The following FBLN7 variants were observed in gnomAD, a reference collection of about 807,000 sequenced individuals.
The protein encoded by FBLN7 is fibulin-7.
A neutral mutation model predicts 44.0 loss-of-function variants in FBLN7; 31 were observed. The ratio of observed to expected loss-of-function variants is 0.70; its 90% confidence interval spans 0.53 to 0.95. FBLN7 has a LOEUF of 0.95. FBLN7 is among the 40% of genes least tolerant of loss of function. The pLI, the probability that FBLN7 is intolerant of heterozygous loss-of-function variation, is 0.00. For synonymous variants in FBLN7, 262 were observed against 253.4 expected (o/e 1.03, Z -0.32); for missense variants, 573 against 618.5 (o/e 0.93, Z 0.78).
the FBLN7 span, among the ~76,000 whole-genome samples, chr2:112,229,314 C>A: frequency 1.2e-3 from 188 of 152,234 alleles, no homozygotes; most frequent in Admixed American, 1.8e-3. Flanking sequence ...TTAAAAAAGT[C>A]TATTAGTATT....
At chr2:112,206,871 C>T in the FBLN7 span, among the ~76,000 whole-genome samples, 31 of 151,582 alleles carry the variant, frequency 2.0e-4, no homozygotes, top group African/African-American at 7.0e-4. Context: ...TAGCTGGAAC[C>T]ACAGGTGCAC....
At chr2:112,201,183 A>G in the FBLN7 span, among the ~76,000 whole-genome samples, 1 of 152,242 alleles carries the variant, frequency 6.6e-6, no homozygotes, top group African/African-American at 2.4e-5. Context: ...CCTCTGAGGC[A>G]GGAGGCAGGG....
intron 1 of FBLN7, among the ~76,000 whole-genome samples, chr2:112,153,839 T>C (rs1681285384): frequency 6.6e-6 from 1 of 152,184 alleles, no homozygotes; most frequent in Non-Finnish European, 1.5e-5. Flanking sequence ...GAGTAAACAC[T>C]GTGCGAGAAG....
the FBLN7 span, among the ~76,000 whole-genome samples, chr2:112,201,706 G>C: frequency 6.6e-6 from 1 of 152,300 alleles, no homozygotes; most frequent in Admixed American, 6.5e-5. Context: ...AGCTACACAA[G>C]GACAGGCATT....
chr2:112,159,877 C>A, intron 2 of FBLN7, 42 bp downstream of exon 2: 1 of 1,456,874 alleles, frequency 6.9e-7, no homozygotes, highest in Non-Finnish European at 9.1e-7. Context: ...CAGCGCAGCA[C>A]TCGAGCACTC....
chr2:112,223,870 G>A, the FBLN7 span, among the ~76,000 whole-genome samples: 22 of 152,296 alleles, frequency 1.4e-4, no homozygotes, highest in Middle Eastern at 3.4e-3. Flanking sequence ...GGCCAGGCAC[G>A]GCAGCTCACA....
rs75864194 is a variant in FBLN7, at chr2:112,183,082, G to A, written c.808+154G>A. Among the ~76,000 whole-genome samples the A allele has an allele frequency of 3.5e-3, 531 of 152,342 alleles. 1 individual carries two copies. Among genetic ancestry groups the A allele is most frequent in the Middle Eastern group, 6.8e-3 (2 of 294 alleles). On this transcript the variant is annotated intron_variant, in intron 6 of 7. Transcript: ENST00000331203. ...CCACCAACCAAAGGGCTTCTCAAAG[G>A]TCAGGCCACATTATCATCTACATAA... is the stretch of plus-strand genomic sequence containing the variant.
At chr2:112,240,729 G>T in the FBLN7 span, among the ~76,000 whole-genome samples, 23 of 152,108 alleles carry the variant, frequency 1.5e-4, no homozygotes, top group Non-Finnish European at 2.9e-4. Flanking sequence ...TTTTCAGAGG[G>T]CATTGAAATA....
the FBLN7 span, among the ~76,000 whole-genome samples, chr2:112,243,354 T>C: frequency 6.6e-6 from 1 of 152,210 alleles, no homozygotes; most frequent in South Asian, 2.1e-4. Context: ...AAGAGAAGAA[T>C]CGAACAAAGT....
chr2:112,222,908 T>C, the FBLN7 span, among the ~76,000 whole-genome samples: 1 of 152,230 alleles, frequency 6.6e-6, no homozygotes, highest in Non-Finnish European at 1.5e-5. Flanking sequence ...ATTGTACATT[T>C]ACAAATGGTT....
intron 5 of FBLN7, 71 bp downstream of exon 5, chr2:112,181,947 C>T (rs920640347): frequency 2.0e-5 from 29 of 1,472,356 alleles, no homozygotes; most frequent in Non-Finnish European, 2.4e-5. Flanking sequence ...GGGCTCTCAC[C>T]CACCGCCCTC....
At chr2:112,145,089 T>C (rs1229276794) in intron 1 of FBLN7, among the ~76,000 whole-genome samples, 1 of 152,228 alleles carries the variant, frequency 6.6e-6, no homozygotes, top group East Asian at 1.9e-4. Flanking sequence ...ACTGCATCCT[T>C]ACCAGAACTT....
At chr2:112,203,531 T>C in the FBLN7 span, among the ~76,000 whole-genome samples, 2 of 152,130 alleles carry the variant, frequency 1.3e-5, no homozygotes, top group Non-Finnish European at 1.5e-5. Context: ...ACAAATTATA[T>C]TGTTTAAAAT....
Position 112,160,720 on chromosome 2 carries a change from GCGCACA to G in FBLN7, c.235+891_235+896del, listed in dbSNP as rs1558879802. 7.8e-4 allele frequency among the ~76,000 whole-genome samples: 102 copies of G among 130,964 alleles called. 1 individual carries two copies. In the East Asian group the frequency reaches 0.022, roughly 28 times the overall value. The allele number at this position is 130,964 out of a possible 152,430, so 85.9% of individuals were successfully genotyped here. A position where few individuals can be genotyped will look rare whatever the true frequency, so the allele number is the denominator to read the frequency against. On this transcript the variant is annotated intron_variant, in intron 2 of 7. Coordinates refer to ENST00000331203, the MANE Select transcript of FBLN7 (RefSeq NM_153214.3). ...CACACGCACGCACACACACAAGCAC[GCGCACA>G]CGCACGCACACGCACACACGCGCAC...
intron 4 of FBLN7, 24 bp from the exon 5 acceptor site, chr2:112,181,715 A>C (rs1281209118): frequency 1.5e-6 from 2 of 1,368,560 alleles, no homozygotes; most frequent in Non-Finnish European, 1.9e-6. Context: ...AGGGCCCGGC[A>C]CTGAGCGTGT....
the FBLN7 span, chr2:112,231,017 AT>A: frequency 1.0e-6 from 1 of 979,320 alleles, no homozygotes; most frequent in Non-Finnish European, 1.3e-6. Flanking sequence ...ATACTGTCAT[AT>A]TCATAACTTT....
chr2:112,146,568 CTT>C (rs758294715), intron 1 of FBLN7, among the ~76,000 whole-genome samples: 87 of 120,140 alleles, frequency 7.2e-4, no homozygotes, highest in African/African-American at 1.5e-3. Flanking sequence ...ATTTTTGAAG[CTT>C]TTTTTTTTTT....
intron 1 of FBLN7, among the ~76,000 whole-genome samples, chr2:112,158,419 T>C (rs1242427212): frequency 6.6e-6 from 1 of 151,732 alleles, no homozygotes; most frequent in Non-Finnish European, 1.5e-5. Flanking sequence ...ATTTTTTTGT[T>C]TTTAATTATT....
At chr2:112,231,494 C>T in the FBLN7 span, among the ~76,000 whole-genome samples, 2 of 152,074 alleles carry the variant, frequency 1.3e-5, no homozygotes, top group African/African-American at 4.8e-5. Context: ...TTTATAAACC[C>T]GTAACTTGTA....
Sources: gnomAD v4.1 joint callset for allele counts (sites outside exome capture counted in the v4.1 genomes callset) on GRCh38, gnomAD v4.1.1 for gene constraint, MANE v1.5 for transcripts, NCBI Gene and HGNC (gene_info 2026-07-23, HGNC 2026-07-21) for gene names.